PALLD: variants seen among roughly 807,000 people sequenced by gnomAD.
PALLD encodes the protein palladin.
PALLD carries 61 observed loss-of-function variants against 123.5 expected under a neutral mutation model. The observed-to-expected ratio is 0.49, with a 90% confidence interval of 0.40 to 0.61. PALLD has a LOEUF of 0.61. Ranked by LOEUF, PALLD falls within the 20% of genes least tolerant of loss-of-function variation. PALLD has a pLI of 0.00. For missense variants in PALLD, 1,273 were observed against 1,377.0 expected, an observed-to-expected ratio of 0.92 and a Z score of 1.20; for synonymous variants, 465 against 496.4, an observed-to-expected ratio of 0.94 and a Z score of 0.84.
At chr4:168,582,692 T>C (rs1243137130) in intron 2 of PALLD, among the ~76,000 whole-genome samples, 1 of 152,178 alleles carries the variant, frequency 6.6e-6, no homozygotes, top group Non-Finnish European at 1.5e-5. Context: ...CAGATAATAT[T>C]TATCCCTCAT....
chr4:168,747,394 G>A (rs1157858984), intron 10 of PALLD, among the ~76,000 whole-genome samples: 1 of 152,238 alleles, frequency 6.6e-6, no homozygotes, highest in Non-Finnish European at 1.5e-5. Context: ...TAGAAATCAA[G>A]AGAGAACAGT....
chr4:168,815,958 G>C (rs1275418711), intron 10 of PALLD, among the ~76,000 whole-genome samples: 1 of 152,186 alleles, frequency 6.6e-6, no homozygotes, highest in Non-Finnish European at 1.5e-5. Flanking sequence ...AGGGCTAATT[G>C]CAAGAGGATT....
intron 10 of PALLD, among the ~76,000 whole-genome samples, chr4:168,745,117 A>G (rs138708309): frequency 5.3e-5 from 8 of 152,322 alleles, no homozygotes; most frequent in Admixed American, 5.2e-4. Context: ...TTTATTGATA[A>G]AACAAAAGTA....
At chr4:168,828,626 C>T (rs1221325562) in intron 10 of PALLD, among the ~76,000 whole-genome samples, 1 of 152,182 alleles carries the variant, frequency 6.6e-6, no homozygotes, top group African/African-American at 2.4e-5. Flanking sequence ...ACCTATGTTT[C>T]ACTATTTTCA....
chr4:168,724,318 T>A (rs1786329614), intron 10 of PALLD, among the ~76,000 whole-genome samples: 2 of 152,246 alleles, frequency 1.3e-5, no homozygotes, highest in Non-Finnish European at 2.9e-5. Context: ...TTTTTTACCA[T>A]TGATTTATTT....
At chr4:168,751,209 T>TC (rs1731022039) in intron 10 of PALLD, among the ~76,000 whole-genome samples, 1 of 151,952 alleles carries the variant, frequency 6.6e-6, no homozygotes, top group South Asian at 2.1e-4. Flanking sequence ...ACAGGGTTTC[T>TC]CCATGTTGGT....
chr4:168,769,761 T>A (rs1234325924), intron 10 of PALLD, among the ~76,000 whole-genome samples: 1 of 152,222 alleles, frequency 6.6e-6, no homozygotes, highest in African/African-American at 2.4e-5. Flanking sequence ...GGAACACTCA[T>A]AATGTTGAAA....
chr4:168,785,846 GATATATATATATATATATAT>G lies in PALLD; in HGVS notation c.1964+73935_1964+73954del, dbSNP rs6148775. Among the ~76,000 whole-genome samples the G allele has an allele frequency of 4.0e-4, 32 of 80,918 alleles. 1 individual carries two copies. The highest frequency in any genetic ancestry group is 5.9e-4 in the Non-Finnish European group (21 of 35,504). The allele number at this position is 80,918 out of a possible 152,430, so 53.1% of individuals were successfully genotyped here. A position where few individuals can be genotyped will look rare whatever the true frequency, so the allele number is the denominator to read the frequency against. ...AGAGTCAGTTCTAATAAACTGTAGA[GATATATATATATATATATAT>G]ATATATATATAGCATTTTAAGCCCA... On this transcript the variant is annotated intron_variant, in intron 10 of 21. Coordinates refer to ENST00000505667, the MANE Select transcript of PALLD (RefSeq NM_001166108.2).
chr4:168,817,230 TAAG>T (rs1742098816), intron 10 of PALLD, among the ~76,000 whole-genome samples: 1 of 152,182 alleles, frequency 6.6e-6, no homozygotes, highest in Admixed American at 6.5e-5. Context: ...ATGGCAATAA[TAAG>T]CATGCTTTTG....
At chr4:168,895,462 C>A (rs958737722) in intron 12 of PALLD, among the ~76,000 whole-genome samples, 1 of 152,158 alleles carries the variant, frequency 6.6e-6, no homozygotes, top group Non-Finnish European at 1.5e-5. Context: ...TGACCAGAAG[C>A]CTTACTGATA....
chr4:168,678,107 A>G (rs1038428353), intron 3 of PALLD: 4 of 152,114 alleles, frequency 2.6e-5, no homozygotes, highest in Non-Finnish European at 5.9e-5. Context: ...CGCGCACCTC[A>G]TGAAGGCCAC....
At chr4:168,854,893 G>A (rs1375585723) in intron 10 of PALLD, among the ~76,000 whole-genome samples, 1 of 152,210 alleles carries the variant, frequency 6.6e-6, no homozygotes, top group East Asian at 1.9e-4. Flanking sequence ...TTGTAGGACT[G>A]TAATTGGGTC....
intron 10 of PALLD, among the ~76,000 whole-genome samples, chr4:168,731,443 C>T (rs1217642068): frequency 6.6e-6 from 1 of 152,200 alleles, no homozygotes; most frequent in African/African-American, 2.4e-5. Flanking sequence ...TTTCAGTTCC[C>T]TCTTCATTAA....
intron 10 of PALLD, among the ~76,000 whole-genome samples, chr4:168,780,047 T>C (rs6838462): frequency 0.63 from 95,265 of 151,780 alleles, 30,519 homozygotes; most frequent in Non-Finnish European, 0.69. Context: ...TACAGGTGTG[T>C]GCCACCATGC....
At chr4:168,663,843 C>T (rs71622305) in intron 2 of PALLD, among the ~76,000 whole-genome samples, 6,562 of 152,170 alleles carry the variant, frequency 0.043, 221 homozygotes, top group African/African-American at 0.091. Context: ...TCAACTACTT[C>T]TTGATTGTTT....
At chr4:168,727,610 C>A (rs1038339280) in intron 10 of PALLD, among the ~76,000 whole-genome samples, 2 of 152,032 alleles carry the variant, frequency 1.3e-5, no homozygotes, top group Non-Finnish European at 2.9e-5. Context: ...GGACATGAGA[C>A]CTTTGTTTGG....
chr4:168,616,195 C>CT (rs1457419470), intron 2 of PALLD, among the ~76,000 whole-genome samples: 1 of 152,144 alleles, frequency 6.6e-6, no homozygotes, highest in Non-Finnish European at 1.5e-5. Context: ...CTCTTTAACT[C>CT]TAACTTGTTT....
intron 2 of PALLD, among the ~76,000 whole-genome samples, chr4:168,609,434 C>T (rs1438925370): frequency 6.7e-6 from 1 of 149,768 alleles, no homozygotes; most frequent in African/African-American, 2.4e-5. Context: ...GTACATTGTC[C>T]TTCAGAAATG....
chr4:168,520,365 C>T (rs1482512328), intron 2 of PALLD, among the ~76,000 whole-genome samples: 1 of 123,678 alleles, frequency 8.1e-6, no homozygotes, highest in Non-Finnish European at 1.7e-5. Flanking sequence ...GAGAGAATGG[C>T]ACCTTTATTT....
Sources: allele counts gnomAD v4.1 joint callset (sites outside exome capture counted in the v4.1 genomes callset), GRCh38; gene constraint gnomAD v4.1.1; transcripts MANE v1.5; gene names NCBI Gene and HGNC (gene_info 2026-07-23, HGNC 2026-07-21).